Variants in NUP107 observed in about 807,000 individuals in gnomAD.
The protein encoded by NUP107 is nucleoporin 107.
Under a neutral mutation model 141.0 loss-of-function variants are expected in NUP107, and 101 were observed. The observed-to-expected ratio is 0.72, with a 90% CI of 0.61 to 0.84. NUP107 has a LOEUF of 0.84. Ranked by LOEUF, NUP107 falls within the 40% of genes least tolerant of loss-of-function variation. The pLI is 0.00. For missense variants in NUP107, 941 were observed against 1,102.7 expected, an observed-to-expected ratio of 0.85 and a Z score of 2.08; for synonymous variants, 319 against 363.9, an observed-to-expected ratio of 0.88 and a Z score of 1.41.
chr12:68,690,639 A>G lies in NUP107; in HGVS notation c.196A>G (p.Thr66Ala). The G allele has an allele frequency of 6.2e-7, 1 of 1,614,134 alleles. No individual in the cohort carries two copies. The highest frequency in any genetic ancestry group is 1.3e-5 in the African/African-American group (1 of 75,046). ...CAACCTTTTGTTTATAGTTACCCCA[A>G]CAAGCCGAAGCTTACTAAGGCAGCC... ...PSSFRQPFTP[T>A]SRSLLRQPDI... The change falls in exon 4 of 28, where the codon ACA becomes GCA. Residue 66 changes from threonine (T) to alanine (A), a missense_variant. By Grantham distance (58) the Thr-to-Ala change is moderately conservative. Coordinates refer to ENST00000229179, the MANE Select transcript of NUP107 (RefSeq NM_020401.4).
chr12:68,731,121 A>G lies in NUP107; in HGVS notation c.1746A>G (p.Arg582=). 2 of 1,584,398 alleles carry G rather than the reference A, an allele frequency of 1.3e-6. No homozygotes were observed. Among genetic ancestry groups the G allele is most frequent in the Non-Finnish European group, 1.7e-6 (2 of 1,167,700 alleles). Residue 582 remains arginine (R), a synonymous_variant, in exon 21 of 28, where the codon AGA becomes AGG. Coordinates refer to ENST00000229179, the MANE Select transcript of NUP107 (RefSeq NM_020401.4). ...VLKTYIQLLI[R]EKHTNLIAFY... is the part of the protein sequence containing the mutation. ...TTTCTATTTTTTAGCTTTTAATAAG[A>G]GAGAAACATACAAATCTTATAGCAT... is the stretch of plus-strand genomic sequence containing the variant.
At chr12:68,714,012 T>C in intron 11 of NUP107, 1 of 523,354 alleles carries the variant, frequency 1.9e-6, no homozygotes, top group South Asian at 2.7e-5. Context: ...AGTAATAAGT[T>C]GTGGAAAGTA....
At chr12:68,688,853 G>T in intron 1 of NUP107, 109 bp from the exon 2 acceptor site, 2 of 686,046 alleles carry the variant, frequency 2.9e-6, no homozygotes, top group East Asian at 2.9e-5. Flanking sequence ...CTACTAGAAT[G>T]ACTATACCTT....
chr12:68,705,115 A>G (rs1876516744), intron 8 of NUP107, among the ~76,000 whole-genome samples: 1 of 152,146 alleles, frequency 6.6e-6, no homozygotes, highest in Non-Finnish European at 1.5e-5. Flanking sequence ...CTCAAACTCC[A>G]AGGCTACTTT....
At chr12:68,715,768 A>G in intron 12 of NUP107, 28 bp downstream of exon 12, 2 of 1,421,076 alleles carry the variant, frequency 1.4e-6, no homozygotes, top group African/African-American at 1.4e-5. Flanking sequence ...TTCTTGTCTA[A>G]TTTCAAAAAG....
At chr12:68,706,027 G>T in intron 8 of NUP107, 1 of 849,448 alleles carries the variant, frequency 1.2e-6, no homozygotes. Flanking sequence ...GCAGAAGACG[G>T]CTCAGAGCAA....
intron 6 of NUP107, among the ~76,000 whole-genome samples, chr12:68,697,442 C>T (rs1876119174): frequency 1.6e-5 from 2 of 122,134 alleles, no homozygotes; most frequent in African/African-American, 3.3e-5. Flanking sequence ...CTAAAATATA[C>T]GAGGAATATT....
At chr12:68,728,371 C>T (rs561828621) in intron 20 of NUP107, among the ~76,000 whole-genome samples, 2 of 148,836 alleles carry the variant, frequency 1.3e-5, no homozygotes, top group South Asian at 2.1e-4. Context: ...GTGGGTGGAT[C>T]GCTTGAGCCC....
chr12:68,737,735 G>GA (rs1878137801), intron 26 of NUP107, among the ~76,000 whole-genome samples: 1 of 152,144 alleles, frequency 6.6e-6, no homozygotes, highest in South Asian at 2.1e-4. Context: ...ACAGTTAAAT[G>GA]ATTAATAACA....
chr12:68,708,562 G>A (rs1293513587), intron 8 of NUP107, among the ~76,000 whole-genome samples: 1 of 151,224 alleles, frequency 6.6e-6, no homozygotes, highest in East Asian at 1.9e-4. Flanking sequence ...GGATTTTAAC[G>A]TTTTTAAATG....
At chr12:68,741,405 G>A (rs1319933405) in intron 26 of NUP107, among the ~76,000 whole-genome samples, 1 of 152,122 alleles carries the variant, frequency 6.6e-6, no homozygotes, top group African/African-American at 2.4e-5. Context: ...GACCCTCCCT[G>A]TGTGCCCCTC....
At chr12:68,705,686 G>C in intron 8 of NUP107, 1 of 639,492 alleles carries the variant, frequency 1.6e-6, no homozygotes, top group Non-Finnish European at 2.9e-6. Context: ...TCTGGCCCAA[G>C]GGCCTTCAGT....
intron 24 of NUP107, 37 bp downstream of exon 24, chr12:68,733,649 C>A: frequency 6.4e-7 from 1 of 1,565,638 alleles, no homozygotes; most frequent in Non-Finnish European, 8.6e-7. Flanking sequence ...GTGCCTACTT[C>A]ATGATGATTT....
intron 7 of NUP107, among the ~76,000 whole-genome samples, chr12:68,701,696 T>TTAAA (rs777082210): frequency 4.6e-5 from 7 of 151,782 alleles, no homozygotes; most frequent in South Asian, 4.1e-4. Context: ...AAATAATAAT[T>TTAAA]TAAATAAATA....
In NUP107 at chr12:68,700,723, C is replaced by T; in HGVS notation, c.553-3C>T. ...CCTCTTTACATCTGTGTTTTTTATT[C>T]AGGTGAATATACTGAGTAAAATAGT... On this transcript the variant is annotated splice_region_variant and splice_polypyrimidine_tract_variant and intron_variant, in intron 6 of 27. Coordinates refer to ENST00000229179, the MANE Select transcript of NUP107 (RefSeq NM_020401.4). The T allele has an allele frequency of 6.4e-7, 1 of 1,569,544 alleles. No homozygotes were observed. Among genetic ancestry groups the T allele is most frequent in the Non-Finnish European group, 8.6e-7 (1 of 1,163,898 alleles).
Position 68,691,965 on chromosome 12 carries a change from A to T in NUP107, c.304-3A>T, listed in dbSNP as rs1411025752. Reference sequence around the variant, plus strand: ...TATTTTTACTTTTTTGTTTTTTTTTAAGGTTACTAATCTGGATGACAGTAA... The same window carrying T: ...TATTTTTACTTTTTTGTTTTTTTTTTAGGTTACTAATCTGGATGACAGTAA... On this transcript the variant is annotated splice_region_variant and splice_polypyrimidine_tract_variant and intron_variant, in intron 4 of 27. Coordinates refer to ENST00000229179, the MANE Select transcript of NUP107 (RefSeq NM_020401.4). 1.9e-6 allele frequency: 3 copies of T among 1,579,292 alleles called. No individual in the cohort carries two copies. The highest frequency in any genetic ancestry group is 2.6e-6 in the Non-Finnish European group (3 of 1,169,500).
chr12:68,691,841 G>GAAA, intron 4 of NUP107, 127 bp from the exon 5 acceptor site: 28 of 576,086 alleles, frequency 4.9e-5, no homozygotes, highest in East Asian at 1.1e-4. Flanking sequence ...CTCAAGAAGG[G>GAAA]AAAAAAAAAA....
intron 8 of NUP107, among the ~76,000 whole-genome samples, chr12:68,708,282 T>A (rs932016473): frequency 2.0e-5 from 3 of 152,052 alleles, no homozygotes; most frequent in Non-Finnish European, 2.9e-5. Context: ...TACATCAAAA[T>A]GGCAAGGTAA....
chr12:68,726,135 C>T (rs1001081768), intron 18 of NUP107, among the ~76,000 whole-genome samples: 4 of 152,064 alleles, frequency 2.6e-5, no homozygotes, highest in Non-Finnish European at 5.9e-5. Context: ...CAGGCATGAG[C>T]GACTGCACCC....
Sources: allele counts gnomAD v4.1 joint callset (sites outside exome capture counted in the v4.1 genomes callset), GRCh38; gene constraint gnomAD v4.1.1; transcripts MANE v1.5; gene names NCBI Gene and HGNC (gene_info 2026-07-23, HGNC 2026-07-21).